Variants in ADAMTS16 observed in about 807,000 individuals in gnomAD.
The protein encoded by ADAMTS16 is ADAM metallopeptidase with thrombospondin type 1 motif 16.
Under a neutral mutation model 145.8 loss-of-function variants are expected in ADAMTS16, and 94 were observed. The ratio of observed to expected loss-of-function variants is 0.64; its 90% CI spans 0.55 to 0.77. ADAMTS16 has a LOEUF of 0.77. Among genes scored for constraint, ADAMTS16 ranks in the 30% least tolerant of loss-of-function variants. The probability of loss-of-function intolerance (pLI) is 0.00; values close to 1 mark genes in which losing one functional copy is unlikely to be tolerated. For synonymous variants in ADAMTS16, 659 were observed against 604.3 expected, an observed-to-expected ratio of 1.09 and a Z score of -1.33; for missense variants, 1,585 against 1,591.5, an observed-to-expected ratio of 1.00 and a Z score of 0.07.
At chr5:5,205,224 CT>C (rs1222852960) in intron 9 of ADAMTS16, among the ~76,000 whole-genome samples, 17 of 150,412 alleles carry the variant, frequency 1.1e-4, no homozygotes, top group African/African-American at 3.9e-4. Context: ...TTAATGGTGC[CT>C]TTTGCTAAAC....
At position 5,286,721 on chromosome 5, in the gene ADAMTS16, G is replaced by A. The variant is rs372044747; in HGVS notation, c.2790-16547G>A. ...AAAATACAAAAAATTACCCAGGTGC[G>A]GTGGCGAGCACCTGTAGTCCCAGCT... On this transcript the variant is annotated intron_variant, in intron 18 of 22. Transcript: ENST00000274181. 1.3e-4 allele frequency among the ~76,000 whole-genome samples: 20 copies of A among 151,844 alleles called. No individual in the cohort carries two copies. In the East Asian group the frequency reaches 2.5e-3, roughly 19 times the overall value.
At chr5:5,212,333 G>T (rs1377576268) in intron 10 of ADAMTS16, among the ~76,000 whole-genome samples, 3 of 151,686 alleles carry the variant, frequency 2.0e-5, no homozygotes, top group East Asian at 3.9e-4. Context: ...TCAGCCTCCG[G>T]AGTAGCTGGG....
chr5:5,286,949 C>G (rs771438244), intron 18 of ADAMTS16, among the ~76,000 whole-genome samples: 11 of 150,764 alleles, frequency 7.3e-5, no homozygotes, highest in African/African-American at 2.7e-4. Context: ...AAGATTCAAC[C>G]AATGAGTACC....
At chr5:5,186,318 G>A in intron 5 of ADAMTS16, 67 bp downstream of exon 5, 1 of 1,346,220 alleles carries the variant, frequency 7.4e-7, no homozygotes, top group Non-Finnish European at 1.0e-6. Context: ...GTGTGTGTGT[G>A]TGTGTGTGTG....
intron 8 of ADAMTS16, among the ~76,000 whole-genome samples, chr5:5,192,369 C>T (rs1426629872): frequency 6.6e-6 from 1 of 152,170 alleles, no homozygotes; most frequent in Admixed American, 6.5e-5. Context: ...TGGTTAGCTG[C>T]TAACAGGGGA....
intron 18 of ADAMTS16, among the ~76,000 whole-genome samples, chr5:5,263,871 C>T (rs978317320): frequency 3.3e-5 from 5 of 152,196 alleles, no homozygotes; most frequent in South Asian, 2.1e-4. Flanking sequence ...CAGTGGGCCC[C>T]GAGCTCTTGT....
chr5:5,268,761 G>C lies in ADAMTS16; in HGVS notation c.2789+5978G>C, dbSNP rs1225101880. ...TGCCCTCCATGCTAAGCCCTCAAGA[G>C]GCAGCTGCTCCTTCCTCTTTCTCTG... On this transcript the variant is annotated intron_variant, in intron 18 of 22. Transcript: ENST00000274181. Among the ~76,000 whole-genome samples the C allele has an allele frequency of 2.0e-5, 3 of 152,300 alleles. No individual in the cohort carries two copies. The East Asian group carries it at 5.8e-4, about 29-fold the overall frequency.
intron 7 of ADAMTS16, 117 bp from the exon 8 acceptor site, chr5:5,191,568 C>T (rs2126577220): frequency 1.2e-6 from 1 of 820,980 alleles, no homozygotes; most frequent in East Asian, 2.8e-5. Flanking sequence ...TTTCCCATTT[C>T]ATATTTTCCC....
At chr5:5,308,519 A>AGCACCCTCCCAGGGAGCACCTC (rs1740281019) in intron 21 of ADAMTS16, among the ~76,000 whole-genome samples, 1 of 152,058 alleles carries the variant, frequency 6.6e-6, no homozygotes, top group Non-Finnish European at 1.5e-5. Flanking sequence ...AGGAGGAGGG[A>AGCACCCTCCCAGGGAGCACCTC]GCACCCTCCC....
At chr5:5,191,627 C>A in intron 7 of ADAMTS16, 58 bp from the exon 8 acceptor site, 1 of 1,366,142 alleles carries the variant, frequency 7.3e-7, no homozygotes, top group Non-Finnish European at 1.0e-6. Context: ...AATAAATATA[C>A]TATGCTTTAT....
At chr5:5,271,782 C>A (rs1049350566) in intron 18 of ADAMTS16, among the ~76,000 whole-genome samples, 1 of 152,130 alleles carries the variant, frequency 6.6e-6, no homozygotes, top group Non-Finnish European at 1.5e-5. Flanking sequence ...TAGATAACGC[C>A]GAGTAAGAGT....
chr5:5,167,239 G>A (rs951102218), intron 3 of ADAMTS16, among the ~76,000 whole-genome samples: 4 of 152,190 alleles, frequency 2.6e-5, no homozygotes, highest in African/African-American at 9.7e-5. Context: ...GGATTGTGTA[G>A]TAGAGTGCCT....
At chr5:5,227,234 T>C (rs1033179326) in intron 11 of ADAMTS16, among the ~76,000 whole-genome samples, 2 of 152,258 alleles carry the variant, frequency 1.3e-5, no homozygotes, top group Non-Finnish European at 2.9e-5. Context: ...ACTGCTCCCC[T>C]GCATCTACTG....
At chr5:5,220,169 T>G (rs368125674) in intron 10 of ADAMTS16, among the ~76,000 whole-genome samples, 4 of 111,160 alleles carry the variant, frequency 3.6e-5, no homozygotes, top group South Asian at 2.7e-4. Context: ...TTTTTTTTTT[T>G]TTTTTTTTGA....
At chr5:5,316,151 G>A (rs1344487300) in intron 21 of ADAMTS16, among the ~76,000 whole-genome samples, 1 of 152,198 alleles carries the variant, frequency 6.6e-6, no homozygotes, top group Non-Finnish European at 1.5e-5. Context: ...TTCACTTGCA[G>A]GCTGGTTTGG....
chr5:5,216,217 T>C (rs1736436545), intron 10 of ADAMTS16, among the ~76,000 whole-genome samples: 1 of 152,102 alleles, frequency 6.6e-6, no homozygotes, highest in Non-Finnish European at 1.5e-5. Context: ...TGTTTTTTGA[T>C]TTTTTAGTTA....
intron 12 of ADAMTS16, among the ~76,000 whole-genome samples, chr5:5,233,995 C>T (rs1737017646): frequency 6.6e-6 from 1 of 152,206 alleles, no homozygotes; most frequent in South Asian, 2.1e-4. Flanking sequence ...CATAACCTCG[C>T]CAGCACCTGT....
chr5:5,167,364 A>T lies in ADAMTS16; in HGVS notation c.502-14680A>T, dbSNP rs79805832. On this transcript the variant is annotated intron_variant, in intron 3 of 22. Coordinates refer to ENST00000274181, the MANE Select transcript of ADAMTS16 (RefSeq NM_139056.4). The stretch of plus-strand genomic sequence containing the variant: ...GGTATGGAATGAGATTCATGTCTAA[A>T]GGTGACATAGGGTATCTTATGTCCC... 1.2e-3 allele frequency among the ~76,000 whole-genome samples: 182 copies of T among 152,364 alleles called. 4 individuals carry two copies. The East Asian group carries it at 0.024, about 20-fold the overall frequency.
chr5:5,316,925 C>T (rs540134943), intron 21 of ADAMTS16, among the ~76,000 whole-genome samples: 1 of 152,326 alleles, frequency 6.6e-6, no homozygotes, highest in East Asian at 1.9e-4. Context: ...TTCCTTGTGG[C>T]CATGCAACCA....
Sources: allele counts gnomAD v4.1 joint callset (sites outside exome capture counted in the v4.1 genomes callset), GRCh38; gene constraint gnomAD v4.1.1; transcripts MANE v1.5; gene names NCBI Gene and HGNC (gene_info 2026-07-23, HGNC 2026-07-21).